The following PSMD12 variants were observed in gnomAD, a reference collection of about 807,000 sequenced individuals.
The protein encoded by PSMD12 is 26S proteasome non-ATPase regulatory subunit 12.
PSMD12 carries 8 observed loss-of-function variants against 62.9 expected under a neutral mutation model. The observed-to-expected ratio is 0.13, with a 90% CI of 0.07 to 0.23. The LOEUF (loss-of-function observed/expected upper bound fraction) is 0.23, where lower values mean the gene tolerates loss of function less well. Among genes scored for constraint, PSMD12 ranks in the 10% least tolerant of loss-of-function variants. PSMD12 has a pLI of 1.00. For synonymous variants in PSMD12, 173 were observed against 187.4 expected (o/e 0.92, Z 0.63); for missense variants, 424 against 550.2 (o/e 0.77, Z 2.29).
At chr17:67,356,432 CCTG>C (rs2042072755) in intron 3 of PSMD12, among the ~76,000 whole-genome samples, 1 of 149,510 alleles carries the variant, frequency 6.7e-6, no homozygotes, top group African/African-American at 2.4e-5. Flanking sequence ...GTAGCGGGCG[CCTG>C]TAGTCCCAGC....
At position 67,348,629 on chromosome 17, in the gene PSMD12, C is replaced by A. The variant is rs1465093867; in HGVS notation, c.431G>T (p.Arg144Leu). The A allele has an allele frequency of 6.2e-7, 1 of 1,612,046 alleles. No individual in the cohort carries two copies. The highest frequency in any genetic ancestry group is 1.3e-5 in the African/African-American group (1 of 74,974). ...GKIYVEIERA[R>L]LTKTLATIKE... is the part of the protein sequence containing the mutation. ...TATAGTTGCTAATGTTTTAGTCAGT[C>A]GCGCACGCTCAATTTCAACATAAAT... The change falls in exon 5 of 11, where the codon CGA becomes CTA. Residue 144 changes from arginine (R) to leucine (L), a missense_variant. Arg to Leu is a moderately radical substitution (Grantham distance 102, BLOSUM62 -2). Coordinates refer to ENST00000356126, the MANE Select transcript of PSMD12 (RefSeq NM_002816.5).
At chr17:67,347,680 T>C (rs1462937746) in intron 5 of PSMD12, among the ~76,000 whole-genome samples, 195 bp from the exon 6 acceptor site, 1 of 152,208 alleles carries the variant, frequency 6.6e-6, no homozygotes, top group Non-Finnish European at 1.5e-5. Context: ...TTCCCCCTTT[T>C]GGTATAAAAT....
At position 67,340,142 on chromosome 17, in the gene PSMD12, C is replaced by T. The variant is rs1481719818; in HGVS notation, c.*701G>A. 7.9e-6 allele frequency: 1 copy of T among 125,822 alleles called. No homozygotes were observed. Among genetic ancestry groups the T allele is most frequent in the Non-Finnish European group, 1.7e-5 (1 of 60,156 alleles). The allele number at this position is 125,822 out of a possible 1,614,324, so 7.8% of individuals were successfully genotyped here. On this transcript the variant is annotated 3_prime_UTR_variant, in exon 11 of 11. Coordinates refer to ENST00000356126, the MANE Select transcript of PSMD12 (RefSeq NM_002816.5). ...CACTATCCCTATAGAGCGGACTTAA[C>T]ACCCAATAAACTGTGTCAATTATGT...
chr17:67,357,473 T>C, intron 2 of PSMD12, 42 bp from the exon 3 acceptor site: 1 of 1,612,838 alleles, frequency 6.2e-7, no homozygotes, highest in Non-Finnish European at 8.5e-7. Context: ...GGAAGAATGT[T>C]CAATGAAATT....
intron 3 of PSMD12, 135 bp from the exon 4 acceptor site, chr17:67,350,471 T>C (rs1474246688): frequency 9.3e-6 from 5 of 539,870 alleles, no homozygotes; most frequent in Admixed American, 3.9e-5. Flanking sequence ...ATAAAGAACA[T>C]CACATCGAAA....
intron 10 of PSMD12, among the ~76,000 whole-genome samples, 192 bp from the exon 11 acceptor site, chr17:67,341,244 G>C (rs2041912205): frequency 6.6e-6 from 1 of 151,966 alleles, no homozygotes; most frequent in African/African-American, 2.4e-5. Flanking sequence ...TGAATTGGGT[G>C]AATCACTTGA....
chr17:67,361,883 AAAAAAAAAAAAAAAAAAAAAAAAAAAGG>A (rs1178621022), intron 1 of PSMD12, among the ~76,000 whole-genome samples: 5 of 122,828 alleles, frequency 4.1e-5, no homozygotes, highest in Non-Finnish European at 8.9e-5. Context: ...TAAAAAAAAA[AAAAAAAAAAAAAAAAAAAAAAAAAAAGG>A]AAGGAAGGAA....
intron 3 of PSMD12, among the ~76,000 whole-genome samples, chr17:67,352,016 G>A (rs1323745320): frequency 2.7e-5 from 4 of 149,750 alleles, no homozygotes; most frequent in Non-Finnish European, 5.9e-5. Context: ...AGAATTGCTT[G>A]AACCCAGTGA....
intron 1 of PSMD12, among the ~76,000 whole-genome samples, chr17:67,361,956 A>AACAT (rs2042134705): frequency 7.1e-6 from 1 of 141,706 alleles, no homozygotes; most frequent in South Asian, 2.3e-4. Context: ...GGAAGACATT[A>AACAT]ACATTTAGGC....
intron 1 of PSMD12, chr17:67,361,101 G>A (rs765689268): frequency 1.3e-5 from 2 of 152,270 alleles, no homozygotes; most frequent in East Asian, 3.9e-4. Context: ...CAACCTGTTA[G>A]AACATGTGAC....
At chr17:67,361,840 C>A (rs936942778) in intron 1 of PSMD12, among the ~76,000 whole-genome samples, 2 of 118,138 alleles carry the variant, frequency 1.7e-5, no homozygotes, top group Non-Finnish European at 3.2e-5. Flanking sequence ...GCAGGAAGAT[C>A]TCTTAAGCTC....
At chr17:67,354,497 T>C (rs1198305308) in intron 3 of PSMD12, among the ~76,000 whole-genome samples, 2 of 152,162 alleles carry the variant, frequency 1.3e-5, no homozygotes, top group African/African-American at 4.8e-5. Context: ...GTTTAAGATG[T>C]GTGCTTTGAA....
intron 1 of PSMD12, among the ~76,000 whole-genome samples, chr17:67,358,592 G>GAAAA (rs899513194): frequency 1.6e-5 from 2 of 125,100 alleles, no homozygotes; most frequent in Admixed American, 8.0e-5. Context: ...AAAAAGAAAA[G>GAAAA]AAAAAAAAGA....
Position 67,340,804 on chromosome 17 carries a change from G to T in PSMD12, c.*39C>A, listed in dbSNP as rs934482893. 2.7e-6 allele frequency: 4 copies of T among 1,457,690 alleles called. No homozygotes were observed. The South Asian group carries it at 4.0e-5, about 15-fold the overall frequency. The allele number at this position is 1,457,690 out of a possible 1,614,324, so 90.3% of individuals were successfully genotyped here. A position where few individuals can be genotyped will look rare whatever the true frequency, so the allele number is the denominator to read the frequency against. Reference sequence around the variant, plus strand: ...ACCATTATAACAGTCTTTTTTTAATGACTTCCAATTTTAACTTTTTTCTAA... The same window carrying T: ...ACCATTATAACAGTCTTTTTTTAATTACTTCCAATTTTAACTTTTTTCTAA... On this transcript the variant is annotated 3_prime_UTR_variant, in exon 11 of 11. Transcript: ENST00000356126.
At position 67,338,560 on chromosome 17, in the gene PSMD12, A is replaced by T. The variant is rs1240837634; in HGVS notation, c.*2283T>A. 3 of 152,370 alleles carry T rather than the reference A, an allele frequency of 2.0e-5. No individual in the cohort carries two copies. The highest frequency in any genetic ancestry group is 2.0e-4 in the Admixed American group (3 of 15,298). The allele number at this position is 152,370 out of a possible 1,614,324, so 9.4% of individuals were successfully genotyped here. A position where few individuals can be genotyped will look rare whatever the true frequency, so the allele number is the denominator to read the frequency against. On this transcript the variant is annotated 3_prime_UTR_variant, in exon 11 of 11. Transcript: ENST00000356126. The stretch of plus-strand genomic sequence containing the variant: ...AAAGAGCCTAGTGTGTGTTAAAGAA[A>T]GACGAAAGAGGAGTTGGGTGCAGTG...
chr17:67,360,460 C>T (rs1567961077), intron 1 of PSMD12, among the ~76,000 whole-genome samples: 2 of 152,230 alleles, frequency 1.3e-5, no homozygotes, highest in African/African-American at 4.8e-5. Flanking sequence ...CTCAACCATA[C>T]TGACTCTACT....
Position 67,357,528 on chromosome 17 carries a change from C to T in PSMD12, c.159G>A (p.Gln53=). 4 of 1,613,748 alleles carry T rather than the reference C, an allele frequency of 2.5e-6. No homozygotes were observed. Among genetic ancestry groups the T allele is most frequent in the Non-Finnish European group, 3.4e-6 (4 of 1,179,726 alleles). The part of the protein sequence containing the change: ...VIETLLSLEK[Q]TRTASDMVST... ...CCTGTAAACTACTCACAGTACGAGT[C>T]TGCTTTTCCAGAGAGAGAAGGGTTT... Residue 53 remains glutamine, a synonymous_variant, in exon 2 of 11, where the codon CAG becomes CAA. Transcript: ENST00000356126.
chr17:67,359,881 T>C (rs2143731718), intron 1 of PSMD12, among the ~76,000 whole-genome samples: 1 of 152,298 alleles, frequency 6.6e-6, no homozygotes, highest in South Asian at 2.1e-4. Flanking sequence ...TGAAGGCTAA[T>C]AAATCCTAAA....
Position 67,350,254 on chromosome 17 carries a change from G to A in PSMD12, c.380C>T (p.Thr127Ile). 6.2e-7 allele frequency: 1 copy of A among 1,612,276 alleles called. No homozygotes were observed. The highest frequency in any genetic ancestry group is 8.5e-7 in the Non-Finnish European group (1 of 1,178,954). The change falls in exon 4 of 11, where the codon ACT becomes ATT. Residue 127 changes from threonine (T) to isoleucine (I), a missense_variant. Thr to Ile is a moderately conservative substitution (Grantham distance 89, BLOSUM62 -1). Coordinates refer to ENST00000356126, the MANE Select transcript of PSMD12 (RefSeq NM_002816.5). ...DLPIKLRLIDTLRMVTEGKIY... is the reference protein window; with the variant it reads ...DLPIKLRLIDILRMVTEGKIY... ...CTTGCCTTCGGTAACCATTCGTAGA[G>A]TATCAATTAATCGAAGTTTGATAGG...
Sources: gnomAD v4.1 joint callset for allele counts (sites outside exome capture counted in the v4.1 genomes callset) on GRCh38, gnomAD v4.1.1 for gene constraint, MANE v1.5 for transcripts, NCBI Gene and HGNC (gene_info 2026-07-23, HGNC 2026-07-21) for gene names.